The following PINX1 variants were observed in gnomAD, a reference collection of about 807,000 sequenced individuals.
The protein encoded by PINX1 is PIN2/TERF1-interacting telomerase inhibitor 1.
A neutral mutation model predicts 25.4 loss-of-function variants in PINX1; 34 were observed. The ratio of observed to expected loss-of-function variants is 1.34; its 90% CI spans 1.02 to 1.78. The LOEUF is 1.78. Among genes scored for constraint, PINX1 ranks in the 40% most tolerant of loss-of-function variants. The probability of loss-of-function intolerance (pLI) is 0.00; values close to 1 mark genes in which losing one functional copy is unlikely to be tolerated. For missense variants in PINX1, 592 were observed against 404.9 expected (o/e 1.46, Z -3.97); for synonymous variants, 197 against 147.7 (o/e 1.33, Z -2.42).
intron 6 of PINX1, among the ~76,000 whole-genome samples, chr8:10,817,404 G>A (rs536819817): frequency 1.3e-5 from 2 of 152,126 alleles, no homozygotes; most frequent in African/African-American, 4.8e-5. Context: ...TGACTATAAG[G>A]GCTGTTGTAA....
intron 4 of PINX1, 102 bp downstream of exon 4, chr8:10,831,560 CAAT>C (rs1473862852): frequency 5.5e-6 from 4 of 731,406 alleles, no homozygotes; most frequent in Non-Finnish European, 9.8e-6. Flanking sequence ...ACACTATACT[CAAT>C]AAATATGTAT....
intron 6 of PINX1, among the ~76,000 whole-genome samples, chr8:10,774,571 G>A (rs546146795): frequency 2.9e-3 from 446 of 152,280 alleles, no homozygotes; most frequent in African/African-American, 9.2e-3. Flanking sequence ...GTGAGCCACC[G>A]TGCCCAGCCG....
intron 5 of PINX1, among the ~76,000 whole-genome samples, chr8:10,820,698 T>A (rs1797841356): frequency 6.6e-6 from 1 of 152,170 alleles, no homozygotes; most frequent in African/African-American, 2.4e-5. Context: ...TATCACTAGA[T>A]ACACAGCTCC....
intron 6 of PINX1, among the ~76,000 whole-genome samples, chr8:10,802,645 G>A (rs568767808): frequency 3.3e-5 from 5 of 152,302 alleles, no homozygotes; most frequent in Admixed American, 2.6e-4. Flanking sequence ...AGTACACAGA[G>A]GGCAGGGGCC....
chr8:10,823,051 T>C (rs1469595229), intron 5 of PINX1, among the ~76,000 whole-genome samples: 2 of 152,052 alleles, frequency 1.3e-5, no homozygotes, highest in Non-Finnish European at 2.9e-5. Flanking sequence ...ACCAGGAAAG[T>C]GGAAAGAGTC....
At chr8:10,831,319 TA>T (rs1414291655) in intron 4 of PINX1, among the ~76,000 whole-genome samples, 1 of 152,228 alleles carries the variant, frequency 6.6e-6, no homozygotes, top group Non-Finnish European at 1.5e-5. Context: ...AAAGATTGGC[TA>T]ATGGATATAA....
intron 6 of PINX1, among the ~76,000 whole-genome samples, chr8:10,800,530 C>T (rs111781364): frequency 6.6e-6 from 1 of 150,518 alleles, no homozygotes; most frequent in African/African-American, 2.5e-5. Flanking sequence ...AGTGCAGTGG[C>T]GTGATCTCAG....
intron 6 of PINX1, among the ~76,000 whole-genome samples, chr8:10,806,515 A>G (rs1448210400): frequency 6.6e-6 from 1 of 152,200 alleles, no homozygotes; most frequent in Admixed American, 6.5e-5. Context: ...AGTTTATAAC[A>G]TTGTGGAAAT....
intron 5 of PINX1, chr8:10,825,275 T>C (rs56344910): frequency 3.8e-6 from 2 of 523,870 alleles, no homozygotes; most frequent in Non-Finnish European, 7.9e-6. Flanking sequence ...ACGCATGACA[T>C]TCCTAGAAGA....
rs560077931 is a variant in PINX1 at position 10,771,061 on chromosome 8, G to C, written c.472-5145C>G. The C allele has an allele frequency of 3.9e-5, 6 of 152,370 alleles. No homozygotes were observed. In the South Asian group the frequency reaches 1.2e-3, roughly 32 times the overall value. 9.4% of individuals were successfully genotyped at this position (152,370 alleles called of 1,614,324 possible). A position where few individuals can be genotyped will look rare whatever the true frequency, so the allele number is the denominator to read the frequency against. On this transcript the variant is annotated intron_variant, in intron 6 of 6. Transcript: ENST00000314787. ...ACCACAGCCTGTCTGTCATCAGCCT[G>C]TGCTGGGTTAGTCTGTGAAAAGTTA...
intron 6 of PINX1, among the ~76,000 whole-genome samples, chr8:10,819,849 G>A (rs1797810908): frequency 6.6e-6 from 1 of 152,112 alleles, no homozygotes; most frequent in Admixed American, 6.6e-5. Flanking sequence ...GAGCAGAACA[G>A]ACAAAATCCC....
At chr8:10,776,957 G>T (rs1801416081) in intron 6 of PINX1, among the ~76,000 whole-genome samples, 1 of 152,238 alleles carries the variant, frequency 6.6e-6, no homozygotes, top group African/African-American at 2.4e-5. Context: ...GAGAAGGACA[G>T]AAGGAAAAAT....
chr8:10,782,773 T>G (rs937359599), intron 6 of PINX1, among the ~76,000 whole-genome samples: 1 of 142,650 alleles, frequency 7.0e-6, no homozygotes, highest in Non-Finnish European at 1.5e-5. Flanking sequence ...TCCCACTGGG[T>G]AGAAATGGAA....
rs191167185 is a variant in PINX1 at position 10,826,169 on chromosome 8, T to C, written c.377A>G (p.Tyr126Cys). 34 of 1,567,286 alleles carry C rather than the reference T, an allele frequency of 2.2e-5. No individual in the cohort carries two copies. In the East Asian group the frequency reaches 4.9e-4, roughly 23 times the overall value. Residue 126 changes from tyrosine to cysteine, a missense_variant, in exon 5 of 7, where the codon TAT (tyrosine) becomes TGT (cysteine). Coordinates refer to ENST00000314787, the MANE Select transcript of PINX1 (RefSeq NM_017884.6). ...AATCTTACCTTTTGTGAATTTCATATAGTGAACACGGTTTTTGGAGATTTT... is the reference window on the plus strand; with the variant it reads ...AATCTTACCTTTTGTGAATTTCATACAGTGAACACGGTTTTTGGAGATTTT... ...KSKISKNRVH[Y>C]MKFTKGKDLS...
chr8:10,838,204 A>C (rs1162168119), intron 1 of PINX1, among the ~76,000 whole-genome samples: 2 of 152,238 alleles, frequency 1.3e-5, no homozygotes, highest in African/African-American at 4.8e-5. Context: ...ACTCTGTATA[A>C]TTTGTCTAAG....
At chr8:10,824,676 G>C (rs531633595) in intron 5 of PINX1, among the ~76,000 whole-genome samples, 1 of 152,196 alleles carries the variant, frequency 6.6e-6, no homozygotes, top group Non-Finnish European at 1.5e-5. Flanking sequence ...AAATGCTTCA[G>C]ATGAAATCAT....
At chr8:10,784,165 C>T (rs1212695978) in intron 6 of PINX1, among the ~76,000 whole-genome samples, 1 of 152,188 alleles carries the variant, frequency 6.6e-6, no homozygotes, top group African/African-American at 2.4e-5. Context: ...TGTATAATAA[C>T]ACACAGATCT....
intron 6 of PINX1, among the ~76,000 whole-genome samples, chr8:10,769,040 T>C (rs1453876635): frequency 6.6e-6 from 1 of 152,200 alleles, no homozygotes. Flanking sequence ...TCATAAACGT[T>C]GAGAATGTCT....
intron 6 of PINX1, among the ~76,000 whole-genome samples, chr8:10,766,464 C>A (rs1255142966): frequency 6.6e-6 from 1 of 152,220 alleles, no homozygotes; most frequent in African/African-American, 2.4e-5. Flanking sequence ...TTGCCAGGGG[C>A]ACCCTTTCTC....
Sources: gnomAD v4.1 joint callset for allele counts (sites outside exome capture counted in the v4.1 genomes callset) on GRCh38, gnomAD v4.1.1 for gene constraint, MANE v1.5 for transcripts, NCBI Gene and HGNC (gene_info 2026-07-23, HGNC 2026-07-21) for gene names.